BMPER: variants seen among roughly 807,000 people sequenced by gnomAD.
BMPER encodes the protein BMP binding endothelial regulator.
Under a neutral mutation model 87.3 loss-of-function variants are expected in BMPER, and 45 were observed. The observed-to-expected ratio is 0.52, with a 90% CI of 0.41 to 0.66. BMPER has a LOEUF of 0.66. Among genes scored for constraint, BMPER ranks in the 30% least tolerant of loss-of-function variants. BMPER has a pLI of 0.00. For missense variants in BMPER, 784 were observed against 867.5 expected, an observed-to-expected ratio of 0.90 and a Z score of 1.21; for synonymous variants, 326 against 316.2, an observed-to-expected ratio of 1.03 and a Z score of -0.33.
At chr7:33,905,419 G>GCCCCCCCCCCC, upstream of BMPER, 4 of 110,388 alleles carry the variant, frequency 3.6e-5, no homozygotes, top group Non-Finnish European at 7.1e-5. Flanking sequence ...CTCCCCGGGC[G>GCCCCCCCCCCC]CCCCCACACC....
At chr7:34,143,889 T>A (rs112298847) in intron 14 of BMPER, among the ~76,000 whole-genome samples, 46 of 152,328 alleles carry the variant, frequency 3.0e-4, no homozygotes, top group African/African-American at 1.1e-3. Context: ...CAATAAATAT[T>A]TGTTACAAAG....
chr7:34,084,894 TA>T (rs1789157124), intron 12 of BMPER, among the ~76,000 whole-genome samples: 1 of 152,210 alleles, frequency 6.6e-6, no homozygotes, highest in Non-Finnish European at 1.5e-5. Flanking sequence ...GCATTTTAGA[TA>T]GTCAGCTTAG....
At chr7:33,932,940 C>G (rs1784515719) in intron 2 of BMPER, among the ~76,000 whole-genome samples, 1 of 152,194 alleles carries the variant, frequency 6.6e-6, no homozygotes, top group African/African-American at 2.4e-5. Flanking sequence ...CCCCTCCGCC[C>G]TACGCTCATG....
chr7:34,122,377 T>G (rs940637857), intron 13 of BMPER, among the ~76,000 whole-genome samples: 7 of 152,240 alleles, frequency 4.6e-5, no homozygotes, highest in Non-Finnish European at 5.9e-5. Context: ...TCAAATCATC[T>G]GAGATCTTGT....
At chr7:33,935,592 G>GCC (rs1784583542) in intron 2 of BMPER, among the ~76,000 whole-genome samples, 1 of 130,336 alleles carries the variant, frequency 7.7e-6, no homozygotes, top group Non-Finnish European at 1.7e-5. Context: ...GAGAGAAAGA[G>GCC]ACAGAGAGAG....
At chr7:34,131,593 G>A (rs1790591572) in intron 13 of BMPER, among the ~76,000 whole-genome samples, 1 of 152,194 alleles carries the variant, frequency 6.6e-6, no homozygotes, top group African/African-American at 2.4e-5. Context: ...GGGGCTGGTG[G>A]TGACTGCTGC....
chr7:34,017,488 G>C (rs1468324962), intron 6 of BMPER, among the ~76,000 whole-genome samples: 1 of 151,796 alleles, frequency 6.6e-6, no homozygotes, highest in African/African-American at 2.4e-5. Context: ...CATGAGAACA[G>C]CATGGAAACG....
intron 3 of BMPER, among the ~76,000 whole-genome samples, chr7:33,958,594 A>G (rs1252328455): frequency 1.3e-5 from 2 of 152,190 alleles, no homozygotes; most frequent in Non-Finnish European, 2.9e-5. Flanking sequence ...TTACTACTGA[A>G]GCTATCACTT....
intron 6 of BMPER, among the ~76,000 whole-genome samples, chr7:34,031,923 TATATAC>T (rs1195917309): frequency 1.4e-3 from 149 of 103,712 alleles, no homozygotes; most frequent in African/African-American, 6.0e-3. Context: ...TATATATATA[TATATAC>T]ACACACACAC....
chr7:33,939,117 G>A (rs1184105205), intron 3 of BMPER, among the ~76,000 whole-genome samples: 1 of 152,134 alleles, frequency 6.6e-6, no homozygotes, highest in East Asian at 1.9e-4. Flanking sequence ...GCATGTCAAC[G>A]TCTCTCAGGT....
Position 34,142,939 on chromosome 7 carries a change from A to G in BMPER, c.1746-291A>G, listed in dbSNP as rs187418951. Among the ~76,000 whole-genome samples, 595 of 152,350 alleles carry G rather than the reference A, an allele frequency of 3.9e-3. 2 individuals carry two copies. The highest frequency in any genetic ancestry group is 0.014 in the African/African-American group (579 of 41,594). On this transcript the variant is annotated intron_variant, in intron 13 of 14. Transcript: ENST00000649409. ...CCACATTCCAGGTGCTCAGTAGCCAAATATGGAGAGTGGCTTTGCACAGTG... is the reference window on the plus strand; with the variant it reads ...CCACATTCCAGGTGCTCAGTAGCCAGATATGGAGAGTGGCTTTGCACAGTG...
chr7:33,912,129 C>T (rs1460388362), intron 2 of BMPER, among the ~76,000 whole-genome samples: 1 of 151,952 alleles, frequency 6.6e-6, no homozygotes, highest in Non-Finnish European at 1.5e-5. Context: ...AACAAACAAA[C>T]AAACAAACAA....
intron 6 of BMPER, among the ~76,000 whole-genome samples, chr7:34,042,159 A>G (rs1177624431): frequency 6.6e-6 from 1 of 152,236 alleles, no homozygotes; most frequent in Non-Finnish European, 1.5e-5. Flanking sequence ...ATCATCTAAA[A>G]CAAAAATAAA....
chr7:34,095,296 CATGACAAATTTTAACTTTTTTCAT>C (rs1789499425), intron 13 of BMPER, among the ~76,000 whole-genome samples: 1 of 152,162 alleles, frequency 6.6e-6, no homozygotes, highest in East Asian at 1.9e-4. Flanking sequence ...AGAAGAAATA[CATGACAAATTTTAACTTTTTTCAT>C]GCTCATCTTC....
chr7:33,940,395 G>A (rs1289850142), intron 3 of BMPER, among the ~76,000 whole-genome samples: 2 of 152,140 alleles, frequency 1.3e-5, no homozygotes, highest in African/African-American at 4.8e-5. Context: ...TTGAATGTGA[G>A]TAAAGGCAAG....
chr7:34,048,846 G>C (rs1196065988), intron 7 of BMPER, among the ~76,000 whole-genome samples: 2 of 152,208 alleles, frequency 1.3e-5, no homozygotes, highest in Non-Finnish European at 2.9e-5. Context: ...TGTACACAAA[G>C]TCTCTGAACC....
At chr7:33,966,387 G>A in intron 3 of BMPER, 92 bp from the exon 4 acceptor site, 1 of 1,112,170 alleles carries the variant, frequency 9.0e-7, no homozygotes, top group South Asian at 1.3e-5. Context: ...GCTAATCTGG[G>A]CTTAGAGAAC....
chr7:34,093,607 C>T (rs907972575), intron 13 of BMPER, among the ~76,000 whole-genome samples: 10 of 152,184 alleles, frequency 6.6e-5, no homozygotes, highest in African/African-American at 2.4e-4. Flanking sequence ...TAATTCTTTA[C>T]TGCATAACCT....
chr7:34,057,943 G>A (rs1788327491), intron 9 of BMPER, 116 bp from the exon 10 acceptor site: 9 of 819,150 alleles, frequency 1.1e-5, no homozygotes, highest in Non-Finnish European at 1.7e-5. Flanking sequence ...TTAGTCTAAT[G>A]ATGGCGTCCC....
Sources: allele counts gnomAD v4.1 joint callset (sites outside exome capture counted in the v4.1 genomes callset), GRCh38; gene constraint gnomAD v4.1.1; transcripts MANE v1.5; gene names NCBI Gene and HGNC (gene_info 2026-07-23, HGNC 2026-07-21).